SERPINE3: variants seen among roughly 807,000 people sequenced by gnomAD.
SERPINE3 encodes the protein serpin family E member 3, also known as serpin E3.
In SERPINE3, 43 loss-of-function variants were observed where a neutral mutation model predicts 41.7. That is an observed-to-expected ratio of 1.03 (90% CI 0.81 to 1.33). The LOEUF (loss-of-function observed/expected upper bound fraction) is 1.33, where lower values mean the gene tolerates loss of function less well. SERPINE3 is among the 40% of genes most tolerant of loss of function. The probability of loss-of-function intolerance (pLI) is 0.00; values close to 1 mark genes in which losing one functional copy is unlikely to be tolerated. For synonymous variants in SERPINE3, 200 were observed against 192.2 expected (o/e 1.04, Z -0.34); for missense variants, 440 against 491.7 (o/e 0.89, Z 0.99).
chr13:51,344,301 C>A lies in SERPINE3; in HGVS notation c.306C>A (p.Thr102=). 6.2e-7 allele frequency: 1 copy of A among 1,613,988 alleles called. No individual in the cohort carries two copies. Among genetic ancestry groups the A allele is most frequent in the South Asian group, 1.1e-5 (1 of 91,068 alleles). Residue 102 remains threonine (T), a synonymous_variant, in exon 4 of 10, where the codon ACC becomes ACA. Coordinates refer to ENST00000681248, the MANE Select transcript of SERPINE3 (RefSeq NM_001386375.1). ...FLHAVYATLP[T]SSQGTEMELA... is the part of the protein sequence containing the mutation. ...ATGCTGTTTATGCCACACTACCCAC[C>A]TCCAGCCAAGGCACCGAGATGGAGC...
At chr13:51,345,348 G>A (rs1955335627) in intron 4 of SERPINE3, among the ~76,000 whole-genome samples, 2 of 152,046 alleles carry the variant, frequency 1.3e-5, no homozygotes, top group Admixed American at 1.3e-4. Flanking sequence ...AAGCAAAATA[G>A]GATTGGGATG....
rs200997156 is a variant in SERPINE3 at position 51,341,166 on chromosome 13, A to T, written c.75A>T (p.Gly25=). 1,552 of 1,613,850 alleles carry T rather than the reference A, an allele frequency of 9.6e-4. 2 individuals are homozygous for T. The highest frequency in any genetic ancestry group is 1.2e-3 in the Non-Finnish European group (1,441 of 1,179,892). ...GAGCAAATGGCCACCTCCGTGAAGG[A>T]ATGACATTGCTGAAGACTGAGTTTG... is the stretch of plus-strand genomic sequence containing the variant. ...CLRANGHLRE[G]MTLLKTEFAL... Residue 25 remains glycine, a synonymous_variant, in exon 3 of 10, where the codon GGA becomes GGT. Coordinates refer to ENST00000681248, the MANE Select transcript of SERPINE3 (RefSeq NM_001386375.1).
At chr13:51,363,547 A>C (rs1848153238) in intron 9 of SERPINE3, 1 of 152,010 alleles carries the variant, frequency 6.6e-6, no homozygotes, top group Non-Finnish European at 1.5e-5. Flanking sequence ...ACTTTCCAAG[A>C]ATATCATTTG....
At chr13:51,347,973 A>T (rs1009323258) in intron 5 of SERPINE3, among the ~76,000 whole-genome samples, 19 of 151,398 alleles carry the variant, frequency 1.3e-4, no homozygotes, top group African/African-American at 3.9e-4. Flanking sequence ...CCCCATACCC[A>T]GTCCTAGAGA....
At chr13:51,354,011 A>G (rs1212627162) in intron 6 of SERPINE3, 2 of 152,212 alleles carry the variant, frequency 1.3e-5, no homozygotes, top group African/African-American at 2.4e-5. Context: ...TTTACTAGGA[A>G]AACCAAGGCT....
chr13:51,350,094 T>C (rs1955390056), intron 6 of SERPINE3, among the ~76,000 whole-genome samples: 1 of 152,192 alleles, frequency 6.6e-6, no homozygotes, highest in East Asian at 1.9e-4. Flanking sequence ...TCTTTTAGTA[T>C]GACTTGCTCT....
In SERPINE3 at chr13:51,361,865, C is replaced by A. The variant is rs1408252895; in HGVS notation, c.1143C>A (p.Phe381Leu). 3.7e-6 allele frequency: 6 copies of A among 1,611,470 alleles called. No homozygotes were observed. Among genetic ancestry groups the A allele is most frequent in the Non-Finnish European group, 4.2e-6 (5 of 1,178,460 alleles). Reference sequence around the variant, plus strand: ...CTATTTTTAAAGCAGATCGGCCATTCATCTATTTCCTGAGAGAACCTAACA... The same window carrying A: ...CTATTTTTAAAGCAGATCGGCCATTAATCTATTTCCTGAGAGAACCTAACA... ...RIPIFKADRP[F>L]IYFLREPNTG... Residue 381 changes from phenylalanine to leucine, a missense_variant, in exon 9 of 10, where the codon TTC (phenylalanine) becomes TTA (leucine). Coordinates refer to ENST00000681248, the MANE Select transcript of SERPINE3 (RefSeq NM_001386375.1).
intron 6 of SERPINE3, 65 bp downstream of exon 6, chr13:51,348,476 C>G: frequency 7.2e-7 from 1 of 1,391,726 alleles, no homozygotes; most frequent in Non-Finnish European, 1.0e-6. Context: ...TGGATTTGCA[C>G]ACAGGTGGTC....
At chr13:51,349,436 A>G (rs1281767611) in intron 6 of SERPINE3, among the ~76,000 whole-genome samples, 1 of 152,230 alleles carries the variant, frequency 6.6e-6, no homozygotes, top group Non-Finnish European at 1.5e-5. Flanking sequence ...CAAATACTGG[A>G]TATTTCAACA....
chr13:51,352,532 AATAGAG>A (rs1436817232), intron 6 of SERPINE3, among the ~76,000 whole-genome samples: 1 of 151,808 alleles, frequency 6.6e-6, no homozygotes, highest in Non-Finnish European at 1.5e-5. Flanking sequence ...GTCATCTGTG[AATAGAG>A]ATAGATTTAC....
chr13:51,356,368 A>G (rs1360358958), intron 7 of SERPINE3, among the ~76,000 whole-genome samples: 2 of 152,110 alleles, frequency 1.3e-5, no homozygotes, highest in Admixed American at 6.6e-5. Context: ...AGGGCAAGGA[A>G]AGAGCAAGGG....
chr13:51,355,392 A>C (rs1482868929), intron 7 of SERPINE3, among the ~76,000 whole-genome samples: 5 of 152,182 alleles, frequency 3.3e-5, no homozygotes, highest in Non-Finnish European at 7.3e-5. Context: ...CAATGTCCAC[A>C]GCACACAGTA....
chr13:51,348,476 C>A, intron 6 of SERPINE3, 65 bp downstream of exon 6: 1 of 1,391,716 alleles, frequency 7.2e-7, no homozygotes, highest in Non-Finnish European at 1.0e-6. Flanking sequence ...TGGATTTGCA[C>A]ACAGGTGGTC....
chr13:51,357,672 C>T lies in SERPINE3; in HGVS notation c.1000+2529C>T, dbSNP rs374183840. Among the ~76,000 whole-genome samples, 37 of 152,122 alleles carry T rather than the reference C, an allele frequency of 2.4e-4. No individual in the cohort carries two copies. The South Asian group carries it at 6.8e-3, about 28-fold the overall frequency. On this transcript the variant is annotated intron_variant, in intron 7 of 9. Transcript: ENST00000681248. ...AGCTGAAACCAGAGTGTAGTTCCCC[C>T]CCAGTCTCCTTGATACTAGATGTTA... is the stretch of plus-strand genomic sequence containing the variant.
rs534777140 is a variant in SERPINE3 at position 51,364,272 on chromosome 13, C to A, written c.1205C>A (p.Pro402His). Residue 402 changes from proline to histidine, a missense_variant, in exon 10 of 10, where the codon CCC becomes CAC. By Grantham distance (77) the Pro-to-His change is moderately conservative (BLOSUM62 -2). Coordinates refer to ENST00000681248, the MANE Select transcript of SERPINE3 (RefSeq NM_001386375.1). ...TTCAGTATTGGGAGAGTTTCAAATC[C>A]CCTAGACTAAATGCATGTTCTCCAC... The part of the protein sequence containing the change: ...FVFSIGRVSN[P>H]LD The A allele has an allele frequency of 1.3e-5, 19 of 1,476,398 alleles. No homozygotes were observed. Among genetic ancestry groups the A allele is most frequent in the Non-Finnish European group, 1.5e-5 (17 of 1,100,512 alleles). The allele number at this position is 1,476,398 out of a possible 1,614,324, so 91.5% of individuals were successfully genotyped here. A position where few individuals can be genotyped will look rare whatever the true frequency, so the allele number is the denominator to read the frequency against.
At chr13:51,355,000 G>C (rs1566195008) in intron 6 of SERPINE3, 43 bp from the exon 7 acceptor site, 1 of 976,238 alleles carries the variant, frequency 1.0e-6, no homozygotes, top group African/African-American at 1.6e-5. Context: ...AAAGTATATT[G>C]AGTGAGAATT....
chr13:51,347,454 A>G (rs1418948822), intron 5 of SERPINE3, among the ~76,000 whole-genome samples: 1 of 152,206 alleles, frequency 6.6e-6, no homozygotes, highest in East Asian at 1.9e-4. Flanking sequence ...GAGGACACAG[A>G]TGTGGAAGAG....
intron 7 of SERPINE3, 80 bp downstream of exon 7, chr13:51,355,223 T>TTCCACAGAGCCTTCAGTGGTAAACAA (rs6145055): frequency 0.18 from 125,918 of 683,636 alleles, 12,599 homozygotes; most frequent in South Asian, 0.26. Context: ...GGATTCTCAT[T>TTCCACAGAGCCTTCAGTGGTAAACAA]TCAGAGTCAA....
At chr13:51,362,229 C>G (rs1225114412) in intron 9 of SERPINE3, 1 of 485,014 alleles carries the variant, frequency 2.1e-6, no homozygotes, top group Admixed American at 4.3e-5. Context: ...CCTTTTTTCC[C>G]TTTGTCCCCT....
Sources: allele counts gnomAD v4.1 joint callset (sites outside exome capture counted in the v4.1 genomes callset), GRCh38; gene constraint gnomAD v4.1.1; transcripts MANE v1.5; gene names NCBI Gene and HGNC (gene_info 2026-07-23, HGNC 2026-07-21).